The following DPP10 variants were observed in gnomAD, a reference collection of about 807,000 sequenced individuals.
DPP10 encodes inactive dipeptidyl peptidase 10.
In DPP10, 33 loss-of-function variants were observed where a neutral mutation model predicts 120.9. The ratio of observed to expected loss-of-function variants is 0.27; its 90% CI spans 0.21 to 0.37. The LOEUF (loss-of-function observed/expected upper bound fraction) is 0.37. Ranked by LOEUF, DPP10 falls within the 10% of genes least tolerant of loss-of-function variation. The pLI is 1.00. For synonymous variants in DPP10, 337 were observed against 326.1 expected (o/e 1.03, Z -0.36); for missense variants, 816 against 942.8 (o/e 0.87, Z 1.76).
intron 1 of DPP10, among the ~76,000 whole-genome samples, chr2:115,021,480 C>A (rs1385989275): frequency 6.6e-6 from 1 of 152,000 alleles, no homozygotes; most frequent in East Asian, 1.9e-4. Context: ...GATATACAAT[C>A]TCTGAATATA....
intron 3 of DPP10, among the ~76,000 whole-genome samples, chr2:115,475,435 G>A (rs1172394415): frequency 6.6e-6 from 1 of 152,232 alleles, no homozygotes; most frequent in Non-Finnish European, 1.5e-5. Context: ...AGAATGTATG[G>A]AAAAGCCTGG....
At chr2:114,689,547 T>G (rs1699599674) in intron 1 of DPP10, among the ~76,000 whole-genome samples, 1 of 152,056 alleles carries the variant, frequency 6.6e-6, no homozygotes, top group Admixed American at 6.6e-5. Flanking sequence ...TGAACATATG[T>G]GTACATACAT....
chr2:115,419,496 C>G (rs1042650508), intron 3 of DPP10, among the ~76,000 whole-genome samples: 8 of 152,084 alleles, frequency 5.3e-5, no homozygotes, highest in Non-Finnish European at 1.2e-4. Context: ...GGGGAGGACT[C>G]ACTCTTTACT....
intron 1 of DPP10, among the ~76,000 whole-genome samples, chr2:115,175,381 T>TG (rs1240014441): frequency 6.6e-6 from 1 of 152,118 alleles, no homozygotes; most frequent in East Asian, 1.9e-4. Context: ...CCAGAGAAGA[T>TG]GAAGGTCTTA....
intron 1 of DPP10, among the ~76,000 whole-genome samples, chr2:114,814,437 T>A (rs963490683): frequency 1.3e-5 from 2 of 152,222 alleles, no homozygotes; most frequent in Middle Eastern, 6.8e-3. Context: ...AATTGTAATA[T>A]GTAATTTAAG....
intron 25 of DPP10, among the ~76,000 whole-genome samples, chr2:115,841,187 T>C (rs1690105207): frequency 6.6e-6 from 1 of 151,880 alleles, no homozygotes; most frequent in Non-Finnish European, 1.5e-5. Context: ...CCTTTGTCTT[T>C]ATTATTAAAT....
At chr2:114,520,722 T>TA (rs2104652862) in intron 1 of DPP10, among the ~76,000 whole-genome samples, 1 of 152,336 alleles carries the variant, frequency 6.6e-6, no homozygotes, top group South Asian at 2.1e-4. Flanking sequence ...TGAAAGGTTT[T>TA]ATGGATCCTG....
chr2:115,363,384 A>C (rs531549953), intron 3 of DPP10, among the ~76,000 whole-genome samples: 1 of 152,250 alleles, frequency 6.6e-6, no homozygotes. Flanking sequence ...CTTGTAGACC[A>C]TAAGGATTGC....
At chr2:114,509,944 A>T (rs1351356757) in intron 1 of DPP10, among the ~76,000 whole-genome samples, 1 of 152,240 alleles carries the variant, frequency 6.6e-6, no homozygotes, top group Non-Finnish European at 1.5e-5. Context: ...CTTTAAAAAA[A>T]TGTAAACTAT....
chr2:114,601,843 C>A (rs1033103684), intron 1 of DPP10, among the ~76,000 whole-genome samples: 1 of 151,882 alleles, frequency 6.6e-6, no homozygotes, highest in African/African-American at 2.4e-5. Flanking sequence ...GGGAGTGCCA[C>A]TAATGCAGAC....
chr2:115,150,904 T>C (rs2051505825), intron 1 of DPP10, among the ~76,000 whole-genome samples: 1 of 152,230 alleles, frequency 6.6e-6, no homozygotes, highest in South Asian at 2.1e-4. Flanking sequence ...ATACCATTGA[T>C]TTAAATTCTT....
chr2:115,650,012 G>C (rs1575436926), intron 5 of DPP10, among the ~76,000 whole-genome samples: 1 of 151,742 alleles, frequency 6.6e-6, no homozygotes, highest in African/African-American at 2.4e-5. Context: ...TTTTGGATTT[G>C]TTGGCAAAAA....
intron 1 of DPP10, among the ~76,000 whole-genome samples, chr2:115,138,451 G>T (rs2050758077): frequency 6.6e-6 from 1 of 152,136 alleles, no homozygotes; most frequent in Non-Finnish European, 1.5e-5. Context: ...CATTTGTGTT[G>T]AAACAGTTGC....
intron 1 of DPP10, among the ~76,000 whole-genome samples, chr2:114,724,193 C>T (rs1264388191): frequency 6.6e-6 from 1 of 152,156 alleles, no homozygotes; most frequent in Non-Finnish European, 1.5e-5. Flanking sequence ...ATCTTACTTC[C>T]CCTCTATGCT....
intron 13 of DPP10, among the ~76,000 whole-genome samples, chr2:115,775,135 TA>T (rs1681941487): frequency 6.6e-6 from 1 of 152,034 alleles, no homozygotes; most frequent in African/African-American, 2.4e-5. Flanking sequence ...ATATATGCAA[TA>T]ATTTTATATG....
At chr2:114,901,955 T>G (rs887756356) in intron 1 of DPP10, among the ~76,000 whole-genome samples, 1 of 152,222 alleles carries the variant, frequency 6.6e-6, no homozygotes, top group Non-Finnish European at 1.5e-5. Context: ...AACAGCTTTT[T>G]GGGATGCTCA....
At chr2:115,440,481 A>C (rs552631862) in intron 3 of DPP10, among the ~76,000 whole-genome samples, 3 of 152,106 alleles carry the variant, frequency 2.0e-5, no homozygotes, top group South Asian at 4.1e-4. Context: ...GCAATTTCTT[A>C]TCTTGTTGTA....
At chr2:115,495,033 A>G (rs2421105) in intron 3 of DPP10, among the ~76,000 whole-genome samples, 41,026 of 151,990 alleles carry the variant, frequency 0.27, 6,446 homozygotes, top group East Asian at 0.41. Context: ...TCGGATTTCA[A>G]CTTCTCAGAA....
intron 1 of DPP10, among the ~76,000 whole-genome samples, chr2:115,294,693 G>T (rs2060806512): frequency 6.6e-6 from 1 of 152,092 alleles, no homozygotes; most frequent in Non-Finnish European, 1.5e-5. Context: ...CACCTATGTA[G>T]TTTATGAAGG....
Sources: gnomAD v4.1 joint callset for allele counts (sites outside exome capture counted in the v4.1 genomes callset) on GRCh38, gnomAD v4.1.1 for gene constraint, MANE v1.5 for transcripts, NCBI Gene and HGNC (gene_info 2026-07-23, HGNC 2026-07-21) for gene names.